The following CFAP47 variants were observed in gnomAD, a reference collection of about 807,000 sequenced individuals.
CFAP47 encodes cilia- and flagella-associated protein 47.
Under a neutral mutation model 148.1 loss-of-function variants are expected in CFAP47, and 29 were observed. The observed-to-expected ratio is 0.20, with a 90% CI of 0.15 to 0.27. CFAP47 has a LOEUF of 0.27. Among genes scored for constraint, CFAP47 ranks in the 10% least tolerant of loss-of-function variants. The pLI is 1.00. For synonymous variants in CFAP47, 664 were observed against 577.3 expected (o/e 1.15, Z -2.15); for missense variants, 1,872 against 1,697.5 (o/e 1.10, Z -1.81).
rs374723331 is a variant in CFAP47, at chrX:36,358,695, G to T, written c.8852-2635G>T. Among the ~76,000 whole-genome samples the T allele has an allele frequency of 5.4e-5, 6 of 111,669 alleles. No individual in the cohort carries two copies. The East Asian group carries it at 1.7e-3, about 31-fold the overall frequency. On this transcript the variant is annotated intron_variant, in intron 60 of 63. Coordinates refer to ENST00000378653, the MANE Select transcript of CFAP47 (RefSeq NM_001304548.2). Reference sequence around the variant, plus strand: ...TCTTTTCTACTTTGCCTGCTTCACGGTTTGATAAACTCCTCTCACCCTCTC... The same window carrying T: ...TCTTTTCTACTTTGCCTGCTTCACGTTTTGATAAACTCCTCTCACCCTCTC...
intron 32 of CFAP47, among the ~76,000 whole-genome samples, chrX:36,100,097 C>T (rs1170592360): frequency 9.0e-6 from 1 of 111,183 alleles, no homozygotes; most frequent in Non-Finnish European, 1.9e-5. Context: ...ATGTATGGGT[C>T]TGATTTCTCT....
At chrX:35,973,989 C>G (rs1936532565) in intron 13 of CFAP47, among the ~76,000 whole-genome samples, 1 of 112,049 alleles carries the variant, frequency 8.9e-6, no homozygotes, top group African/African-American at 3.2e-5. Context: ...TCTGGAGATA[C>G]AGCAATGAAG....
At position 36,143,017 on chromosome X, in the gene CFAP47, CTGCATT is replaced by C. The variant is rs758155414; in HGVS notation, c.5536-2200_5536-2195del. ...CAAAAGTGGATGTGACAATTAAACT[CTGCATT>C]TTTTTATTTTGTTCTTATCTTAAAT... On this transcript the variant is annotated intron_variant, in intron 35 of 63. Transcript: ENST00000378653. Among the ~76,000 whole-genome samples the C allele has an allele frequency of 2.6e-3, 294 of 112,097 alleles. 2 individuals carry two copies. The highest frequency in any genetic ancestry group is 4.6e-3 in the Non-Finnish European group (246 of 53,267).
intron 63 of CFAP47, chrX:36,379,832 C>A (rs782136202): frequency 8.9e-5 from 13 of 146,510 alleles, no homozygotes; most frequent in Non-Finnish European, 1.3e-4. Context: ...GTATCACTTT[C>A]TGTAACATAC....
At chrX:36,248,369 GTATA>G (rs1217394109) in intron 48 of CFAP47, among the ~76,000 whole-genome samples, 23 of 103,118 alleles carry the variant, frequency 2.2e-4, no homozygotes, top group Non-Finnish European at 4.1e-4. Flanking sequence ...TAATATGTGT[GTATA>G]TATATTATAA....
At chrX:36,121,655 T>G (rs902076058) in intron 33 of CFAP47, among the ~76,000 whole-genome samples, 1 of 111,514 alleles carries the variant, frequency 9.0e-6, no homozygotes, top group Non-Finnish European at 1.9e-5. Context: ...AGAAAGCCCT[T>G]AAGAACTCTA....
intron 42 of CFAP47, among the ~76,000 whole-genome samples, chrX:36,195,982 AT>A (rs1251282247): frequency 9.0e-6 from 1 of 111,674 alleles, no homozygotes; most frequent in East Asian, 2.8e-4. Context: ...TTAATAATTT[AT>A]GTCATTTAAA....
At chrX:36,350,380 T>C (rs186786418) in intron 59 of CFAP47, among the ~76,000 whole-genome samples, 1 of 111,446 alleles carries the variant, frequency 9.0e-6, no homozygotes, top group East Asian at 2.8e-4. Flanking sequence ...TCAAATTAAC[T>C]TCAGACTCCT....
At chrX:36,132,725 C>T (rs1938970270) in intron 33 of CFAP47, among the ~76,000 whole-genome samples, 1 of 111,733 alleles carries the variant, frequency 8.9e-6, no homozygotes, top group Admixed American at 9.5e-5. Context: ...TTTTTCACAT[C>T]ATCGCCTTGG....
At chrX:36,229,383 C>T (rs1183554522) in intron 46 of CFAP47, among the ~76,000 whole-genome samples, 1 of 111,235 alleles carries the variant, frequency 9.0e-6, no homozygotes, top group African/African-American at 3.3e-5. Context: ...GCTATGTGAG[C>T]AACATACCAG....
At chrX:36,280,773 T>C (rs1450453752) in intron 50 of CFAP47, 143 bp downstream of exon 50, 2 of 327,838 alleles carry the variant, frequency 6.1e-6, no homozygotes, top group East Asian at 9.4e-5. Context: ...ATTATTTCAG[T>C]ATTAACTATA....
At chrX:36,379,798 CTG>C (rs781963175) in intron 63 of CFAP47, 23 of 223,567 alleles carry the variant, frequency 1.0e-4, no homozygotes, top group African/African-American at 6.3e-4. Context: ...CAAATAATGA[CTG>C]TAAAGTGATT....
intron 26 of CFAP47, among the ~76,000 whole-genome samples, chrX:36,057,156 C>T (rs942835334): frequency 1.8e-5 from 2 of 111,711 alleles, no homozygotes; most frequent in Non-Finnish European, 3.8e-5. Context: ...TCCATCCATC[C>T]ATACACTCAT....
intron 23 of CFAP47, among the ~76,000 whole-genome samples, chrX:36,032,628 G>A (rs1189653432): frequency 9.0e-6 from 1 of 110,906 alleles, no homozygotes; most frequent in East Asian, 2.8e-4. Flanking sequence ...AGGAAGTGGA[G>A]CTGAGTCTTC....
intron 57 of CFAP47, among the ~76,000 whole-genome samples, chrX:36,329,927 C>G (rs1556013753): frequency 9.0e-6 from 1 of 111,668 alleles, no homozygotes; most frequent in African/African-American, 3.2e-5. Flanking sequence ...AAATTAAGAG[C>G]AAGTTCTGGC....
chrX:36,118,199 G>T (rs749690864), intron 33 of CFAP47, among the ~76,000 whole-genome samples: 30 of 111,627 alleles, frequency 2.7e-4, no homozygotes, highest in South Asian at 1.5e-3. Context: ...TGTTCATTTT[G>T]TTTAGTATAA....
chrX:36,003,477 G>T (rs763618927), intron 21 of CFAP47, among the ~76,000 whole-genome samples: 7 of 108,812 alleles, frequency 6.4e-5, no homozygotes, highest in Non-Finnish European at 1.3e-4. Flanking sequence ...TTATAGAGTG[G>T]TGTCTCCACT....
At position 36,311,004 on chromosome X, in the gene CFAP47, T is replaced by A; in HGVS notation, c.8344+15T>A. On this transcript the variant is annotated intron_variant, in intron 56 of 63. Transcript: ENST00000378653. ...AATACTGACAAGTAAGTTGTTTTTC[T>A]TATATTTTACATGTTATTTTATAGG... 2.0e-6 allele frequency: 2 copies of A among 985,561 alleles called. No homozygotes were observed. The highest frequency in any genetic ancestry group is 2.7e-6 in the Non-Finnish European group (2 of 746,677). The allele number at this position is 985,561 out of a possible 1,213,427, so 81.2% of individuals were successfully genotyped here. A position where few individuals can be genotyped will look rare whatever the true frequency, so the allele number is the denominator to read the frequency against.
At chrX:36,077,283 T>G (rs1344614436) in intron 29 of CFAP47, among the ~76,000 whole-genome samples, 1 of 100,556 alleles carries the variant, frequency 9.9e-6, no homozygotes, top group Non-Finnish European at 2.0e-5. Context: ...TTTAGAAAAG[T>G]TTTTTTTTAT....
Sources: allele counts gnomAD v4.1 joint callset (sites outside exome capture counted in the v4.1 genomes callset), GRCh38; gene constraint gnomAD v4.1.1; transcripts MANE v1.5; gene names NCBI Gene and HGNC (gene_info 2026-07-23, HGNC 2026-07-21).